Variants in AGBL4 observed in about 807,000 individuals in gnomAD.
AGBL4 encodes AGBL carboxypeptidase 4.
In AGBL4, 58 loss-of-function variants were observed where a neutral mutation model predicts 66.4. The observed-to-expected ratio is 0.87, with a 90% CI of 0.71 to 1.09. The LOEUF is 1.09. Among genes scored for constraint, AGBL4 ranks in the 50% least tolerant of loss-of-function variants. AGBL4 has a pLI of 0.00. For synonymous variants in AGBL4, 234 were observed against 222.9 expected (o/e 1.05, Z -0.44); for missense variants, 579 against 631.0 (o/e 0.92, Z 0.88).
intron 2 of AGBL4, among the ~76,000 whole-genome samples, chr1:49,757,258 A>C (rs1651958187): frequency 6.6e-6 from 1 of 152,252 alleles, no homozygotes. Context: ...TGCAAAACTG[A>C]GAGTCAATTA....
chr1:48,905,684 C>T (rs1652517178), intron 5 of AGBL4, among the ~76,000 whole-genome samples: 2 of 152,290 alleles, frequency 1.3e-5, no homozygotes, highest in South Asian at 2.1e-4. Context: ...CCTACACTGA[C>T]TCTAGTGACT....
intron 6 of AGBL4, among the ~76,000 whole-genome samples, chr1:48,689,219 A>AAAAG (rs1553207684): frequency 1.4e-5 from 2 of 141,584 alleles, no homozygotes; most frequent in South Asian, 4.3e-4. Flanking sequence ...AAAAAAAAAA[A>AAAAG]AAAAGAAAAG....
chr1:49,497,015 A>T (rs1321750345), intron 3 of AGBL4, among the ~76,000 whole-genome samples: 1 of 151,912 alleles, frequency 6.6e-6, no homozygotes, highest in Non-Finnish European at 1.5e-5. Flanking sequence ...CCTTTTCTCC[A>T]TATCATGGTT....
Position 49,045,737 on chromosome 1 carries a change from C to T in AGBL4, c.441G>A (p.Val147=). ...GGTCAAAACAAAAGGCAAAGGACAT[C>T]ACATAGTTCTTCCTATGGTCCGGGC... ...YRCPDHRKNY[V]MSFAFCFDRE... is the part of the protein sequence containing the mutation. The change falls in exon 5 of 14, where the codon GTG becomes GTA. Residue 147 remains valine (V), a synonymous_variant. Transcript: ENST00000371839. 1 of 1,552,008 alleles carries T rather than the reference C, an allele frequency of 6.4e-7. No individual in the cohort carries two copies. Among genetic ancestry groups the T allele is most frequent in the East Asian group, 2.4e-5 (1 of 40,946 alleles).
chr1:49,942,082 C>A (rs1350477194), intron 1 of AGBL4, among the ~76,000 whole-genome samples: 1 of 151,824 alleles, frequency 6.6e-6, no homozygotes, highest in Non-Finnish European at 1.5e-5. Context: ...ATACAAAAAA[C>A]AAATCAATCA....
rs536354267 is a variant in AGBL4, at chr1:49,963,290, A to G, written c.34+60473T>C. On this transcript the variant is annotated intron_variant, in intron 1 of 13. Coordinates refer to ENST00000371839, the MANE Select transcript of AGBL4 (RefSeq NM_032785.4). ...AGTTTCTTCCTTCATCTTGTTAAGG[A>G]TGCAGTCATGTAATAAAGTCAAGTG... Among the ~76,000 whole-genome samples, 6 of 152,240 alleles carry G rather than the reference A, an allele frequency of 3.9e-5. No individual in the cohort carries two copies. The South Asian group carries it at 1.2e-3, about 32-fold the overall frequency.
chr1:49,287,706 A>T (rs908778592), intron 3 of AGBL4, among the ~76,000 whole-genome samples: 1 of 151,660 alleles, frequency 6.6e-6, no homozygotes, highest in African/African-American at 2.4e-5. Context: ...TCAAAAAGTC[A>T]GGAAACAACA....
chr1:48,733,698 G>A lies in AGBL4; in HGVS notation c.635-70457C>T, dbSNP rs190938215. Among the ~76,000 whole-genome samples, 13 of 152,240 alleles carry A rather than the reference G, an allele frequency of 8.5e-5. No homozygotes were observed. The East Asian group carries it at 2.3e-3, about 27-fold the overall frequency. On this transcript the variant is annotated intron_variant, in intron 6 of 13. Transcript: ENST00000371839. ...TCCTAGGCAGCCCTGACTATCTTAC[G>A]AGGTAAGATGATTTCAGCTTAGTTT...
chr1:48,903,730 A>G (rs554984798), intron 5 of AGBL4, among the ~76,000 whole-genome samples: 27 of 152,324 alleles, frequency 1.8e-4, no homozygotes, highest in African/African-American at 6.0e-4. Context: ...AGATAAAGAC[A>G]GGTGAGATAT....
rs187300515 is a variant in AGBL4 at position 49,377,078 on chromosome 1, C to T, written c.283-131214G>A. 4.1e-4 allele frequency among the ~76,000 whole-genome samples: 62 copies of T among 151,994 alleles called. No homozygotes were observed. The Middle Eastern group carries it at 0.017, about 42-fold the overall frequency. On this transcript the variant is annotated intron_variant, in intron 3 of 13. Transcript: ENST00000371839. ...TAAAAGAAAATGAAGTAAAAATTTC[C>T]GGAGTAGGTATGAGAGAGGAAAAGT... is the stretch of plus-strand genomic sequence containing the variant.
At chr1:49,111,254 A>C (rs1360355300) in intron 4 of AGBL4, among the ~76,000 whole-genome samples, 1 of 152,034 alleles carries the variant, frequency 6.6e-6, no homozygotes, top group Admixed American at 6.6e-5. Flanking sequence ...CTGGGAGTAC[A>C]GGCGCCTGCC....
At chr1:49,363,406 G>T (rs1644181152) in intron 3 of AGBL4, among the ~76,000 whole-genome samples, 1 of 152,194 alleles carries the variant, frequency 6.6e-6, no homozygotes, top group African/African-American at 2.4e-5. Context: ...AGCAGAGACA[G>T]TGTGTCATTT....
chr1:48,848,919 C>A (rs570635652), intron 6 of AGBL4, among the ~76,000 whole-genome samples: 5 of 152,194 alleles, frequency 3.3e-5, no homozygotes, highest in Non-Finnish European at 7.4e-5. Context: ...AAGATGGCAG[C>A]ACCTTTTTCC....
intron 2 of AGBL4, among the ~76,000 whole-genome samples, chr1:49,791,165 A>T (rs1030256993): frequency 6.6e-6 from 1 of 152,160 alleles, no homozygotes; most frequent in Non-Finnish European, 1.5e-5. Flanking sequence ...GACTTTCATA[A>T]GTGAAGCATG....
intron 4 of AGBL4, among the ~76,000 whole-genome samples, chr1:49,119,193 C>T (rs1044603073): frequency 7.2e-5 from 11 of 152,114 alleles, no homozygotes; most frequent in Non-Finnish European, 1.3e-4. Flanking sequence ...GTGTCTCTAT[C>T]TCTTTCAATT....
chr1:49,972,650 G>A (rs1279727866), intron 1 of AGBL4, among the ~76,000 whole-genome samples: 2 of 152,140 alleles, frequency 1.3e-5, no homozygotes, highest in Non-Finnish European at 2.9e-5. Flanking sequence ...TAGACATTTT[G>A]AGAAAGAGAC....
At chr1:48,854,421 A>C (rs968655188) in intron 6 of AGBL4, among the ~76,000 whole-genome samples, 1 of 152,180 alleles carries the variant, frequency 6.6e-6, no homozygotes, top group Admixed American at 6.5e-5. Context: ...CCACCTGATG[A>C]TAAGTCCCTT....
At chr1:49,813,307 T>C (rs1227526006) in intron 2 of AGBL4, among the ~76,000 whole-genome samples, 1 of 152,166 alleles carries the variant, frequency 6.6e-6, no homozygotes, top group Non-Finnish European at 1.5e-5. Context: ...TAATATAGAA[T>C]GCCACATCAC....
intron 1 of AGBL4, among the ~76,000 whole-genome samples, chr1:49,937,298 A>C (rs1654175975): frequency 6.6e-6 from 1 of 152,162 alleles, no homozygotes; most frequent in Non-Finnish European, 1.5e-5. Context: ...AACTATCCTA[A>C]ATATATATGC....
Sources: gnomAD v4.1 joint callset for allele counts (sites outside exome capture counted in the v4.1 genomes callset) on GRCh38, gnomAD v4.1.1 for gene constraint, MANE v1.5 for transcripts, NCBI Gene and HGNC (gene_info 2026-07-23, HGNC 2026-07-21) for gene names.